HPSE: variants seen among roughly 807,000 people sequenced by gnomAD.
HPSE encodes heparanase, also known as endo-glucoronidase.
In HPSE, 48 loss-of-function variants were observed where a neutral mutation model predicts 65.1. The observed-to-expected ratio is 0.74, with a 90% CI of 0.58 to 0.94. HPSE has a LOEUF of 0.94. Ranked by LOEUF, HPSE falls within the 40% of genes least tolerant of loss-of-function variation. The pLI is 0.00. For synonymous variants in HPSE, 243 were observed against 260.0 expected, an observed-to-expected ratio of 0.93 and a Z score of 0.63; for missense variants, 644 against 637.5, an observed-to-expected ratio of 1.01 and a Z score of -0.11.
intron 1 of HPSE, among the ~76,000 whole-genome samples, chr4:83,329,990 C>T (rs1232485567): frequency 2.0e-5 from 3 of 152,120 alleles, no homozygotes; most frequent in Non-Finnish European, 4.4e-5. Context: ...CTACACTGAG[C>T]GTGTAGGGAA....
intron 9 of HPSE, among the ~76,000 whole-genome samples, chr4:83,302,982 C>G (rs978840238): frequency 1.3e-5 from 2 of 151,988 alleles, no homozygotes; most frequent in Non-Finnish European, 2.9e-5. Context: ...CTCAAAATAA[C>G]AGTTAAAAAA....
chr4:83,321,592 G>A (rs1281749671), intron 2 of HPSE, among the ~76,000 whole-genome samples: 1 of 152,130 alleles, frequency 6.6e-6, no homozygotes, highest in Non-Finnish European at 1.5e-5. Flanking sequence ...GATTACAGGT[G>A]TGAGTCACTG....
chr4:83,317,947 G>C (rs4693079), intron 3 of HPSE, among the ~76,000 whole-genome samples: 120,898 of 151,748 alleles, frequency 0.8, 48,302 homozygotes, highest in East Asian at 0.87. Context: ...AGAGTAGATC[G>C]CCCTCTTAAA....
Position 83,295,373 on chromosome 4 carries a change from T to C in HPSE, c.1603A>G (p.Arg535Gly). The C allele has an allele frequency of 6.2e-7, 1 of 1,609,808 alleles. No individual in the cohort carries two copies. Among genetic ancestry groups the C allele is most frequent in the East Asian group, 2.2e-5 (1 of 44,816 alleles). ...ATGCAAGCAGCAACTTTGGCATTTC[T>C]TATCACAAAAAAACTATATGAGAAA... ...PAFSYSFFVI[R>G]NAKVAACI The change falls in exon 12 of 12, where the codon AGA (arginine) becomes GGA (glycine). Residue 535 changes from arginine (R) to glycine (G), a missense_variant. Transcript: ENST00000311412.
intron 6 of HPSE, 92 bp downstream of exon 6, chr4:83,309,939 A>T (rs1485690481): frequency 2.4e-6 from 2 of 825,870 alleles, no homozygotes; most frequent in African/African-American, 3.4e-5. Flanking sequence ...ACTGCAGTCA[A>T]TTGGCAGTTA....
intron 1 of HPSE, among the ~76,000 whole-genome samples, chr4:83,325,663 A>G (rs1737121972): frequency 6.6e-6 from 1 of 152,362 alleles, no homozygotes; most frequent in East Asian, 1.9e-4. Context: ...ACGAACAAGT[A>G]AATAGGCAAT....
intron 11 of HPSE, 37 bp downstream of exon 11, chr4:83,300,923 T>TATTGAAAG: frequency 6.9e-7 from 1 of 1,441,370 alleles, no homozygotes; most frequent in Non-Finnish European, 9.5e-7. Flanking sequence ...CCAATAAATT[T>TATTGAAAG]ATTGAAAGTT....
intron 11 of HPSE, 152 bp from the exon 12 acceptor site, chr4:83,295,655 G>T (rs1735696917): frequency 2.0e-6 from 1 of 507,158 alleles, no homozygotes; most frequent in Non-Finnish European, 3.4e-6. Context: ...TATCACTTAG[G>T]CATTTGACCT....
intron 1 of HPSE, among the ~76,000 whole-genome samples, chr4:83,323,104 T>G (rs1230362910): frequency 6.6e-6 from 1 of 151,646 alleles, no homozygotes; most frequent in Admixed American, 6.6e-5. Context: ...GTCTGAAAAA[T>G]AGATCGTCCG....
At chr4:83,295,597 A>T (rs1735695163) in intron 11 of HPSE, 94 bp from the exon 12 acceptor site, 1 of 1,076,290 alleles carries the variant, frequency 9.3e-7, no homozygotes, top group Non-Finnish European at 1.3e-6. Flanking sequence ...GACCAAATAA[A>T]TTTTTTTTTG....
At chr4:83,304,569 T>C (rs1237427200) in intron 9 of HPSE, among the ~76,000 whole-genome samples, 1 of 149,320 alleles carries the variant, frequency 6.7e-6, no homozygotes, top group East Asian at 1.9e-4. Context: ...TGGTTCATGC[T>C]GTAATCCCAA....
chr4:83,332,059 C>T (rs1305486482), intron 1 of HPSE, among the ~76,000 whole-genome samples: 1 of 152,222 alleles, frequency 6.6e-6, no homozygotes, highest in Admixed American at 6.5e-5. Flanking sequence ...AGAACAGGGC[C>T]AGGCAAATGA....
At chr4:83,319,490 T>G (rs1736794172) in intron 2 of HPSE, 21 bp from the exon 3 acceptor site, 4 of 1,610,878 alleles carry the variant, frequency 2.5e-6, no homozygotes, top group Non-Finnish European at 3.4e-6. Context: ...AAGAGATCAT[T>G]TAGAAGGTCT....
intron 3 of HPSE, 51 bp from the exon 4 acceptor site, chr4:83,313,338 G>T: frequency 1.6e-6 from 2 of 1,248,442 alleles, no homozygotes; most frequent in Non-Finnish European, 2.2e-6. Context: ...CACAATGAAG[G>T]CCTCCAGATT....
intron 1 of HPSE, among the ~76,000 whole-genome samples, chr4:83,331,456 A>T (rs1280110413): frequency 2.0e-5 from 3 of 152,208 alleles, no homozygotes; most frequent in Non-Finnish European, 2.9e-5. Flanking sequence ...CTTGCATATG[A>T]GGCCCACATT....
At position 83,301,091 on chromosome 4, in the gene HPSE, T is replaced by G; in HGVS notation, c.1341A>C (p.Glu447Asp). Residue 447 changes from glutamate (E) to aspartate (D), a missense_variant, in exon 11 of 12, where the codon GAA (glutamate) becomes GAC (aspartate). Transcript: ENST00000311412. ...TTATGGCATACAGAGTTAAATCTCC[T>G]TCTTTATACCTTGGACTAAAAGCAA... ...CTNTDNPRYK[E>D]GDLTLYAINL... The G allele has an allele frequency of 1.9e-6, 3 of 1,591,612 alleles. No homozygotes were observed. The highest frequency in any genetic ancestry group is 2.6e-6 in the Non-Finnish European group (3 of 1,169,660).
intron 1 of HPSE, among the ~76,000 whole-genome samples, chr4:83,330,779 C>T (rs948237451): frequency 3.3e-5 from 5 of 152,264 alleles, no homozygotes; most frequent in Middle Eastern, 6.8e-3. Flanking sequence ...TTTCTACCAC[C>T]GACTCAGCAC....
In HPSE at chr4:83,334,815, T is replaced by A; in HGVS notation, c.-33A>T. ...TCACCTGGCTGCTCCCCCCGCCAGC[T>A]GCCGCGCAGCGGAGAGTCGAGAGCT... On this transcript the variant is annotated 5_prime_UTR_variant, in exon 1 of 12. Transcript: ENST00000311412. The A allele has an allele frequency of 1.5e-5, 22 of 1,484,062 alleles. No homozygotes were observed. The highest frequency in any genetic ancestry group is 2.0e-5 in the Non-Finnish European group (22 of 1,118,318). 91.9% of individuals were successfully genotyped at this position (1,484,062 alleles called of 1,614,324 possible).
intron 9 of HPSE, among the ~76,000 whole-genome samples, chr4:83,304,843 T>C (rs752324011): frequency 5.3e-5 from 8 of 152,090 alleles, no homozygotes; most frequent in Non-Finnish European, 7.4e-5. Context: ...TAAGCATGGG[T>C]CAATGACTGG....
Sources: allele counts gnomAD v4.1 joint callset (sites outside exome capture counted in the v4.1 genomes callset), GRCh38; gene constraint gnomAD v4.1.1; transcripts MANE v1.5; gene names NCBI Gene and HGNC (gene_info 2026-07-23, HGNC 2026-07-21).